Variants in USP45 observed in about 807,000 individuals in gnomAD.
USP45 encodes the protein ubiquitin specific peptidase 45.
A neutral mutation model predicts 95.8 loss-of-function variants in USP45; 89 were observed. That is an observed-to-expected ratio of 0.93 (90% CI 0.78 to 1.11). The LOEUF is 1.11. Among genes scored for constraint, USP45 ranks in the 50% least tolerant of loss-of-function variants. The probability of loss-of-function intolerance (pLI) is 0.00; values close to 1 mark genes in which losing one functional copy is unlikely to be tolerated. For synonymous variants in USP45, 281 were observed against 316.2 expected (o/e 0.89, Z 1.18); for missense variants, 898 against 942.5 (o/e 0.95, Z 0.62).
At chr6:99,507,655 A>G (rs1350000760) in intron 3 of USP45, 124 bp from the exon 4 acceptor site, 2 of 637,384 alleles carry the variant, frequency 3.1e-6, no homozygotes, top group Non-Finnish European at 2.6e-6. Context: ...CAGAGGAGAA[A>G]GTTTCAAAAA....
intron 13 of USP45, among the ~76,000 whole-genome samples, chr6:99,448,111 G>A (rs1015860431): frequency 6.6e-6 from 1 of 152,198 alleles, no homozygotes; most frequent in African/African-American, 2.4e-5. Context: ...CAGAAAAGCT[G>A]AAAATTCTAA....
chr6:99,503,426 G>C (rs1441674799), intron 5 of USP45, among the ~76,000 whole-genome samples: 5 of 151,796 alleles, frequency 3.3e-5, no homozygotes, highest in Non-Finnish European at 7.4e-5. Flanking sequence ...TCCCCTCCCA[G>C]GTTCAAGCGA....
Position 99,433,875 on chromosome 6 carries a change from T to A in USP45, c.*1841A>T, listed in dbSNP as rs957804386. The A allele has an allele frequency of 6.6e-6, 1 of 152,100 alleles. No homozygotes were observed. Among genetic ancestry groups the A allele is most frequent in the African/African-American group, 2.4e-5 (1 of 41,430 alleles). 9.4% of individuals were successfully genotyped at this position (152,100 alleles called of 1,614,324 possible). A position where few individuals can be genotyped will look rare whatever the true frequency, so the allele number is the denominator to read the frequency against. ...TAACAGTATCTTTCTGTAAGAAAAA[T>A]TAGGTGATCTATATTTACATTTGGG... On this transcript the variant is annotated 3_prime_UTR_variant, in exon 18 of 18. Coordinates refer to ENST00000500704, the MANE Select transcript of USP45 (RefSeq NM_001346022.3).
intron 15 of USP45, among the ~76,000 whole-genome samples, chr6:99,441,690 T>C (rs932316918): frequency 1.5e-4 from 23 of 152,170 alleles, no homozygotes; most frequent in African/African-American, 3.1e-4. Flanking sequence ...TTTGGACAGG[T>C]TGAAAAAAGA....
At chr6:99,445,216 G>A (rs905230135) in intron 14 of USP45, among the ~76,000 whole-genome samples, 5 of 152,110 alleles carry the variant, frequency 3.3e-5, no homozygotes, top group African/African-American at 4.8e-5. Context: ...CAGGCATGGT[G>A]GCTCACACCT....
chr6:99,459,544 CTT>C (rs1785900907), intron 13 of USP45, among the ~76,000 whole-genome samples: 1 of 152,118 alleles, frequency 6.6e-6, no homozygotes, highest in Non-Finnish European at 1.5e-5. Flanking sequence ...GTTTTTAGCT[CTT>C]TGAGGAATAG....
intron 13 of USP45, among the ~76,000 whole-genome samples, chr6:99,447,822 G>A (rs112825232): frequency 0.026 from 3,918 of 152,262 alleles, 98 homozygotes; most frequent in Non-Finnish European, 0.037. Context: ...CACCTCACAC[G>A]GCCGGGTACC....
intron 7 of USP45, among the ~76,000 whole-genome samples, chr6:99,484,004 G>GTTTTTTT (rs773687208): frequency 0.15 from 13,830 of 91,206 alleles, 1,872 homozygotes; most frequent in Middle Eastern, 0.26. Context: ...ATTTTCCATA[G>GTTTTTTT]TTTTTTTTTT....
chr6:99,452,957 C>T (rs1439410709), intron 13 of USP45, among the ~76,000 whole-genome samples: 2 of 151,994 alleles, frequency 1.3e-5, no homozygotes, highest in East Asian at 1.9e-4. Context: ...TGTTCTCACT[C>T]ATAGGTGGGA....
chr6:99,455,861 G>A (rs536424978), intron 13 of USP45, among the ~76,000 whole-genome samples: 16 of 142,570 alleles, frequency 1.1e-4, no homozygotes, highest in African/African-American at 3.3e-4. Context: ...TGGGGCAGGC[G>A]CAGTGGCTCA....
chr6:99,448,229 G>A (rs1782984453), intron 13 of USP45, among the ~76,000 whole-genome samples: 1 of 152,104 alleles, frequency 6.6e-6, no homozygotes, highest in South Asian at 2.1e-4. Flanking sequence ...GGCTTCAGAT[G>A]ATCAAACTTC....
At chr6:99,455,534 T>G (rs1784857705) in intron 13 of USP45, among the ~76,000 whole-genome samples, 1 of 151,970 alleles carries the variant, frequency 6.6e-6, no homozygotes, top group Admixed American at 6.6e-5. Context: ...TAGACATTTA[T>G]CCAAAGAAAA....
chr6:99,447,299 GA>G (rs1045396494), intron 13 of USP45, among the ~76,000 whole-genome samples: 19 of 152,098 alleles, frequency 1.2e-4, no homozygotes, highest in African/African-American at 4.6e-4. Flanking sequence ...TACCTTGGCT[GA>G]AGGGTCAAGA....
chr6:99,439,331 G>A (rs900603343), intron 16 of USP45, among the ~76,000 whole-genome samples: 4 of 152,162 alleles, frequency 2.6e-5, no homozygotes, highest in East Asian at 1.9e-4. Context: ...ATCACACTCC[G>A]CTGACAAGTA....
rs1370180953 is a variant in USP45, at chr6:99,437,383, T to C, written c.2177A>G (p.Asp726Gly). The change falls in exon 17 of 18, where the codon GAT becomes GGT. Residue 726 changes from aspartate to glycine, a missense_variant. Coordinates refer to ENST00000500704, the MANE Select transcript of USP45 (RefSeq NM_001346022.3). The stretch of plus-strand genomic sequence containing the variant: ...GCCATAGAGACCGTAGAGAACTTTA[T>C]CTCCCACACTTGCATTCTTTTAAAC... ...SATCKNASVG[D>G]KVLYGLYGIV... 1 of 1,595,146 alleles carries C rather than the reference T, an allele frequency of 6.3e-7. No homozygotes were observed. The highest frequency in any genetic ancestry group is 8.5e-7 in the Non-Finnish European group (1 of 1,175,084).
intron 7 of USP45, among the ~76,000 whole-genome samples, chr6:99,484,399 T>TA: frequency 6.6e-6 from 1 of 151,998 alleles, no homozygotes; most frequent in Non-Finnish European, 1.5e-5. Context: ...AGGCTGGTCT[T>TA]AAACTCCTGG....
At chr6:99,478,293 T>C (rs4448102) in intron 8 of USP45, among the ~76,000 whole-genome samples, 107,530 of 145,586 alleles carry the variant, frequency 0.74, 39,928 homozygotes, top group South Asian at 0.88. Flanking sequence ...CTAGACTCTA[T>C]GATGGAGCCT....
At chr6:99,507,349 T>C in intron 4 of USP45, 79 bp downstream of exon 4, 1 of 711,136 alleles carries the variant, frequency 1.4e-6, no homozygotes, top group Non-Finnish European at 2.3e-6. Context: ...TTTAAATATT[T>C]TACCTTAAAA....
At chr6:99,466,620 AATG>A in intron 11 of USP45, 49 bp downstream of exon 11, 2 of 1,402,586 alleles carry the variant, frequency 1.4e-6, no homozygotes, top group South Asian at 2.4e-5. Flanking sequence ...ATATAATAAA[AATG>A]ATGTGATTGT....
Sources: allele counts gnomAD v4.1 joint callset (sites outside exome capture counted in the v4.1 genomes callset), GRCh38; gene constraint gnomAD v4.1.1; transcripts MANE v1.5; gene names NCBI Gene and HGNC (gene_info 2026-07-23, HGNC 2026-07-21).